The following ARMC3 variants were observed in gnomAD, a reference collection of about 807,000 sequenced individuals.
ARMC3 encodes the protein armadillo repeat containing 3.
Under a neutral mutation model 90.3 loss-of-function variants are expected in ARMC3, and 74 were observed. That is an observed-to-expected ratio of 0.82 (90% CI 0.68 to 0.99). The LOEUF (loss-of-function observed/expected upper bound fraction) is 0.99, where lower values mean the gene tolerates loss of function less well. Ranked by LOEUF, ARMC3 falls within the 50% of genes least tolerant of loss-of-function variation. The pLI, the probability that ARMC3 is intolerant of heterozygous loss-of-function variation, is 0.00. For missense variants in ARMC3, 958 were observed against 1,042.8 expected, an observed-to-expected ratio of 0.92 and a Z score of 1.12; for synonymous variants, 334 against 361.8, an observed-to-expected ratio of 0.92 and a Z score of 0.87.
chr10:22,935,439 C>G (rs1012510780), intron 2 of ARMC3, among the ~76,000 whole-genome samples: 2 of 152,186 alleles, frequency 1.3e-5, no homozygotes, highest in Admixed American at 6.5e-5. Flanking sequence ...CATTGAAGAT[C>G]TATTGGACAA....
intron 11 of ARMC3, 33 bp from the exon 12 acceptor site, chr10:23,001,886 C>G (rs759654109): frequency 6.2e-7 from 1 of 1,608,142 alleles, no homozygotes; most frequent in South Asian, 1.1e-5. Flanking sequence ...ATTCTACACT[C>G]TTAATGTGTA....
intron 2 of ARMC3, among the ~76,000 whole-genome samples, chr10:22,937,530 G>T (rs1004801452): frequency 2.0e-5 from 3 of 152,182 alleles, no homozygotes; most frequent in African/African-American, 4.8e-5. Flanking sequence ...TGGTGAAGAT[G>T]ATCTAAGGCT....
At chr10:22,988,577 T>C (rs995600467) in intron 10 of ARMC3, among the ~76,000 whole-genome samples, 5 of 152,236 alleles carry the variant, frequency 3.3e-5, no homozygotes, top group African/African-American at 1.2e-4. Context: ...TCCTTAGAAT[T>C]GCCTATATTT....
intron 10 of ARMC3, among the ~76,000 whole-genome samples, chr10:22,989,922 A>G (rs1202611581): frequency 6.6e-6 from 1 of 152,234 alleles, no homozygotes; most frequent in Non-Finnish European, 1.5e-5. Context: ...CCCTATCCCC[A>G]TTTCATGTCA....
intron 10 of ARMC3, among the ~76,000 whole-genome samples, chr10:22,996,331 G>A (rs1836953856): frequency 1.3e-5 from 2 of 152,094 alleles, no homozygotes; most frequent in South Asian, 4.1e-4. Flanking sequence ...TCTTAAGAAT[G>A]CTTATTTTAT....
intron 3 of ARMC3, among the ~76,000 whole-genome samples, chr10:22,954,716 G>A (rs1834861401): frequency 6.6e-6 from 1 of 151,230 alleles, no homozygotes; most frequent in Non-Finnish European, 1.5e-5. Flanking sequence ...ATGGGAAGTA[G>A]AGTTCCCATA....
chr10:22,968,789 A>G (rs1350090601), intron 8 of ARMC3, among the ~76,000 whole-genome samples: 2 of 152,178 alleles, frequency 1.3e-5, no homozygotes, highest in Admixed American at 1.3e-4. Flanking sequence ...GCACCCTGCC[A>G]TGTCTTATTT....
intron 16 of ARMC3, among the ~76,000 whole-genome samples, chr10:23,013,855 CT>C (rs68155467): frequency 0.26 from 38,727 of 148,882 alleles, 5,772 homozygotes; most frequent in African/African-American, 0.42. Context: ...TGGGACCACG[CT>C]TTTTTTTTTA....
At position 23,037,387 on chromosome 10, in the gene ARMC3, G is replaced by C. The variant is rs200309888; in HGVS notation, c.2527G>C (p.Ala843Pro). 3.7e-6 allele frequency: 6 copies of C among 1,613,974 alleles called. No individual in the cohort carries two copies. The highest frequency in any genetic ancestry group is 5.1e-6 in the Non-Finnish European group (6 of 1,179,912). The change falls in exon 19 of 19, where the codon GCT becomes CCT. Residue 843 changes from alanine to proline, a missense_variant. Transcript: ENST00000298032. ...SRKGVIGGLP[A>P]PEMYVIDLMF... The stretch of plus-strand genomic sequence containing the variant: ...GAAGGGAGTGATTGGGGGCCTCCCC[G>C]CTCCTGAGATGTACGTGATTGACCT...
Position 23,037,428 on chromosome 10 carries a change from T to A in ARMC3, c.2568T>A (p.Gly856=). The A allele has an allele frequency of 1.2e-6, 2 of 1,614,072 alleles. No homozygotes were observed. The highest frequency in any genetic ancestry group is 1.7e-6 in the Non-Finnish European group (2 of 1,179,942). Residue 856 remains glycine, a synonymous_variant, in exon 19 of 19, where the codon GGT becomes GGA. Transcript: ENST00000298032. ...MYVIDLMFHP[G]GLMKLRSREA... Reference sequence around the variant, plus strand: ...TGATTGACCTCATGTTCCATCCAGGTGGACTGATGAAGTTGAGAAGTCGAG... The same window carrying A: ...TGATTGACCTCATGTTCCATCCAGGAGGACTGATGAAGTTGAGAAGTCGAG...
At chr10:22,985,697 CGT>C (rs1373204235) in intron 10 of ARMC3, among the ~76,000 whole-genome samples, 1 of 152,108 alleles carries the variant, frequency 6.6e-6, no homozygotes, top group African/African-American at 2.4e-5. Context: ...GTTATGGATA[CGT>C]GGATATGGAT....
At chr10:23,011,493 A>G (rs1441595143) in intron 16 of ARMC3, among the ~76,000 whole-genome samples, 1 of 152,188 alleles carries the variant, frequency 6.6e-6, no homozygotes, top group Non-Finnish European at 1.5e-5. Context: ...TTATTGTTGT[A>G]CTAAAAAGTT....
At chr10:22,997,521 G>C (rs984280232) in intron 10 of ARMC3, among the ~76,000 whole-genome samples, 5 of 152,126 alleles carry the variant, frequency 3.3e-5, no homozygotes, top group Non-Finnish European at 7.3e-5. Flanking sequence ...TCATGACTTT[G>C]ATCTTTAATG....
chr10:23,009,793 G>A (rs747896896), intron 16 of ARMC3, among the ~76,000 whole-genome samples: 6 of 152,136 alleles, frequency 3.9e-5, no homozygotes, highest in Non-Finnish European at 8.8e-5. Context: ...CACCCTGCTC[G>A]GCCCCACATG....
At chr10:22,946,327 G>C in intron 3 of ARMC3, 66 bp downstream of exon 3, 2 of 1,099,588 alleles carry the variant, frequency 1.8e-6, no homozygotes, top group Non-Finnish European at 2.7e-6. Flanking sequence ...TACCTCTTGG[G>C]CACTTTTCTT....
chr10:23,007,256 T>C (rs1029375487), intron 14 of ARMC3, among the ~76,000 whole-genome samples: 2 of 152,306 alleles, frequency 1.3e-5, no homozygotes, highest in Middle Eastern at 3.4e-3. Context: ...CCTCTTACCA[T>C]GGAGTCATTG....
chr10:23,026,377 G>C (rs1342711706), intron 16 of ARMC3, among the ~76,000 whole-genome samples: 1 of 151,944 alleles, frequency 6.6e-6, no homozygotes, highest in Non-Finnish European at 1.5e-5. Context: ...TATATACAAA[G>C]AATAATTTAT....
At chr10:23,025,569 C>A (rs1294550122) in intron 16 of ARMC3, among the ~76,000 whole-genome samples, 1 of 151,896 alleles carries the variant, frequency 6.6e-6, no homozygotes, top group Admixed American at 6.6e-5. Flanking sequence ...TAAAGCATAT[C>A]AAAATTTGTG....
At chr10:22,938,842 C>T (rs1564338922) in intron 2 of ARMC3, among the ~76,000 whole-genome samples, 1 of 152,114 alleles carries the variant, frequency 6.6e-6, no homozygotes, top group African/African-American at 2.4e-5. Flanking sequence ...CCCAAACCAC[C>T]ATGAATAAAA....
Sources: gnomAD v4.1 joint callset for allele counts (sites outside exome capture counted in the v4.1 genomes callset) on GRCh38, gnomAD v4.1.1 for gene constraint, MANE v1.5 for transcripts, NCBI Gene and HGNC (gene_info 2026-07-23, HGNC 2026-07-21) for gene names.